UHRF2: variants seen among roughly 807,000 people sequenced by gnomAD.
UHRF2 encodes E3 ubiquitin-protein ligase UHRF2.
In UHRF2, 23 loss-of-function variants were observed where a neutral mutation model predicts 96.8. That is an observed-to-expected ratio of 0.24 (90% CI 0.17 to 0.34). UHRF2 has a LOEUF of 0.34. Ranked by LOEUF, UHRF2 falls within the 10% of genes least tolerant of loss-of-function variation. The pLI, the probability that UHRF2 is intolerant of heterozygous loss-of-function variation, is 1.00. For synonymous variants in UHRF2, 385 were observed against 332.6 expected, an observed-to-expected ratio of 1.16 and a Z score of -1.72; for missense variants, 685 against 981.5, an observed-to-expected ratio of 0.70 and a Z score of 4.04.
chr9:6,445,428 A>G (rs1307183975), intron 3 of UHRF2, among the ~76,000 whole-genome samples: 3 of 151,936 alleles, frequency 2.0e-5, no homozygotes, highest in African/African-American at 7.3e-5. Flanking sequence ...CATTCGGCTA[A>G]TTTTGTACTT....
intron 2 of UHRF2, among the ~76,000 whole-genome samples, chr9:6,429,019 A>C (rs952720524): frequency 6.6e-6 from 1 of 152,108 alleles, no homozygotes; most frequent in Non-Finnish European, 1.5e-5. Flanking sequence ...ATAAAAGGTT[A>C]GACACTATGG....
intron 1 of UHRF2, among the ~76,000 whole-genome samples, chr9:6,419,559 C>G (rs1213696694): frequency 6.6e-6 from 1 of 151,942 alleles, no homozygotes; most frequent in Non-Finnish European, 1.5e-5. Context: ...AAGTGAAACA[C>G]TGAGCTGATG....
At chr9:6,487,173 T>TTTTTATTTTTTATTTTTTA (rs1190945181) in intron 9 of UHRF2, among the ~76,000 whole-genome samples, 6 of 144,276 alleles carry the variant, frequency 4.2e-5, no homozygotes, top group African/African-American at 1.3e-4. Flanking sequence ...GAGCTTTTAT[T>TTTTTATTTTTTATTTTTTA]TTTTTTTCCT....
At chr9:6,488,933 T>A (rs1229083986) in intron 9 of UHRF2, among the ~76,000 whole-genome samples, 3 of 152,032 alleles carry the variant, frequency 2.0e-5, no homozygotes, top group Non-Finnish European at 2.9e-5. Flanking sequence ...CTGGTGCAGC[T>A]TTCCGAGTAG....
chr9:6,445,566 A>G (rs542378959), intron 3 of UHRF2, among the ~76,000 whole-genome samples: 2 of 151,832 alleles, frequency 1.3e-5, no homozygotes, highest in Admixed American at 6.6e-5. Flanking sequence ...TAGCCTCTTT[A>G]TTTATTTTTG....
chr9:6,499,929 A>T lies in UHRF2; in HGVS notation c.2003A>T (p.Asp668Val), dbSNP rs767522047. ...GGAACCACAAAAAGGCCAATTTCAG[A>T]TGGTAGGTAATGATTGCAAAATATA... ...PSGTTKRPIS[D>V]DDCPSASKVY... Residue 668 changes from aspartate (D) to valine (V), a missense_variant and splice_region_variant, in exon 13 of 16, where the codon GAT becomes GTT. By Grantham distance (152) the Asp-to-Val change is radical. This residue lies in a region of UHRF2 where 99 missense variants were observed against 73.5 expected (regional missense o/e 1.35). Transcript: ENST00000276893. The T allele has an allele frequency of 1.9e-6, 3 of 1,602,734 alleles. No individual in the cohort carries two copies. The Admixed American group carries it at 5.0e-5, about 27-fold the overall frequency.
At chr9:6,420,753 A>C (rs1255021433) in intron 1 of UHRF2, among the ~76,000 whole-genome samples, 159 bp from the exon 2 acceptor site, 2 of 151,980 alleles carry the variant, frequency 1.3e-5, no homozygotes, top group East Asian at 3.9e-4. Flanking sequence ...GGTCCAGAGA[A>C]GACACTGACA....
chr9:6,422,058 CCTT>C (rs1309919493), intron 2 of UHRF2, among the ~76,000 whole-genome samples: 4 of 152,156 alleles, frequency 2.6e-5, no homozygotes, highest in African/African-American at 9.7e-5. Context: ...CTGTTTTGAA[CCTT>C]CTGTTAACCT....
At chr9:6,418,283 CAAGG>C (rs1819730307) in intron 1 of UHRF2, among the ~76,000 whole-genome samples, 1 of 132,184 alleles carries the variant, frequency 7.6e-6, no homozygotes, top group Non-Finnish European at 1.6e-5. Flanking sequence ...TTTTTTAAAT[CAAGG>C]AAGCAATATT....
chr9:6,493,759 T>C, intron 9 of UHRF2, 67 bp from the exon 10 acceptor site: 1 of 1,385,274 alleles, frequency 7.2e-7, no homozygotes, highest in Non-Finnish European at 1.0e-6. Flanking sequence ...GTTTTGACTC[T>C]GAAATAAGAA....
At chr9:6,473,255 G>A (rs144177616) in intron 4 of UHRF2, among the ~76,000 whole-genome samples, 1 of 152,302 alleles carries the variant, frequency 6.6e-6, no homozygotes, top group Non-Finnish European at 1.5e-5. Context: ...GAAAAATAAA[G>A]TGGGTTGAGA....
rs752819917 is a variant in UHRF2, at chr9:6,493,973, A to G, written c.1604+41A>G. ...CTGTTTAGAATTTGAACATTGAATA[A>G]AAGTTTCATTATAGGACTGTAAATT... On this transcript the variant is annotated intron_variant, in intron 10 of 15. Coordinates refer to ENST00000276893, the MANE Select transcript of UHRF2 (RefSeq NM_152896.3). The G allele has an allele frequency of 7.0e-6, 11 of 1,568,062 alleles. No individual in the cohort carries two copies. In the African/African-American group the frequency reaches 1.4e-4, roughly 19 times the overall value.
Position 6,499,878 on chromosome 9 carries a change from A to C in UHRF2, c.1952A>C (p.Lys651Thr). The change falls in exon 13 of 16, where the codon AAA (lysine) becomes ACA (threonine). Residue 651 changes from lysine (K) to threonine (T), a missense_variant. Around this residue, in one of 6 missense-constraint regions of UHRF2, gnomAD observed 99 missense variants for 73.5 expected, o/e 1.35. Coordinates refer to ENST00000276893, the MANE Select transcript of UHRF2 (RefSeq NM_152896.3). The stretch of plus-strand genomic sequence containing the variant: ...TCAGATAAAGAAGGGAAGAAGCCTA[A>C]AGGACAGTCAAAGAAGCAGCCCAGT... ...YPSDKEGKKP[K>T]GQSKKQPSGT... 1 of 1,608,660 alleles carries C rather than the reference A, an allele frequency of 6.2e-7. No homozygotes were observed. The highest frequency in any genetic ancestry group is 2.2e-5 in the East Asian group (1 of 44,476).
At chr9:6,496,401 G>C (rs539127470) in intron 10 of UHRF2, 1 of 152,256 alleles carries the variant, frequency 6.6e-6, no homozygotes, top group East Asian at 1.9e-4. Context: ...GTACAACTAG[G>C]TTCTCCCAAG....
intron 2 of UHRF2, among the ~76,000 whole-genome samples, chr9:6,430,805 C>G (rs1378505707): frequency 6.6e-6 from 1 of 152,192 alleles, no homozygotes; most frequent in Non-Finnish European, 1.5e-5. Context: ...TTCCCTCTGC[C>G]TCCTGACCAA....
chr9:6,455,213 T>C (rs1181427217), intron 3 of UHRF2, among the ~76,000 whole-genome samples: 1 of 152,240 alleles, frequency 6.6e-6, no homozygotes, highest in Non-Finnish European at 1.5e-5. Flanking sequence ...TATGCATACA[T>C]GTGCCATGTT....
chr9:6,496,455 A>G (rs996572135), intron 10 of UHRF2: 4 of 152,198 alleles, frequency 2.6e-5, no homozygotes, highest in African/African-American at 4.8e-5. Flanking sequence ...ATTTACTACT[A>G]TTAGGTGAAT....
At chr9:6,421,463 A>G (rs1819924139) in intron 2 of UHRF2, among the ~76,000 whole-genome samples, 2 of 152,170 alleles carry the variant, frequency 1.3e-5, no homozygotes, top group Non-Finnish European at 2.9e-5. Context: ...CCCAGGCTGG[A>G]GTGCAGTGGC....
intron 9 of UHRF2, among the ~76,000 whole-genome samples, chr9:6,487,756 C>T (rs577079812): frequency 6.6e-6 from 1 of 152,384 alleles, no homozygotes; most frequent in Admixed American, 6.5e-5. Flanking sequence ...CGCACCTTGG[C>T]TTCCCAAACT....
Sources: gnomAD v4.1 joint callset for allele counts (sites outside exome capture counted in the v4.1 genomes callset) on GRCh38, gnomAD v4.1.1 for gene constraint, gnomAD v4.1.1 regional missense constraint, MANE v1.5 for transcripts, NCBI Gene and HGNC (gene_info 2026-07-23, HGNC 2026-07-21) for gene names.